Variants in JAKMIP3 observed in about 807,000 individuals in gnomAD.
JAKMIP3 encodes janus kinase and microtubule-interacting protein 3.
A neutral mutation model predicts 118.5 loss-of-function variants in JAKMIP3; 58 were observed. The observed-to-expected ratio is 0.49, with a 90% confidence interval of 0.40 to 0.61. The LOEUF (loss-of-function observed/expected upper bound fraction) is 0.61. JAKMIP3 is among the 20% of genes least tolerant of loss of function. The probability of loss-of-function intolerance (pLI) is 0.00; values close to 1 mark genes in which losing one functional copy is unlikely to be tolerated. For missense variants in JAKMIP3, 950 were observed against 1,109.0 expected (o/e 0.86, Z 2.04); for synonymous variants, 486 against 451.2 (o/e 1.08, Z -0.98).
chr10:132,104,588 G>T lies in JAKMIP3; in HGVS notation c.-137-84G>T, dbSNP rs1589820490. The T allele has an allele frequency of 1.2e-5, 7 of 571,870 alleles. No individual in the cohort carries two copies. In the East Asian group the frequency reaches 2.0e-4, roughly 17 times the overall value. 35.4% of individuals were successfully genotyped at this position (571,870 alleles called of 1,614,324 possible). ...CTGCAATGAGGTGGGGGGTCCACGT[G>T]CCCCTGCCCCGGCACACAAGCCCCT... On this transcript the variant is annotated intron_variant, in intron 1 of 23. Transcript: ENST00000684848.
chr10:132,149,988 G>A lies in JAKMIP3; in HGVS notation c.1954G>A (p.Val652Met). 6.7e-7 allele frequency: 1 copy of A among 1,496,178 alleles called. No homozygotes were observed. Among genetic ancestry groups the A allele is most frequent in the Non-Finnish European group, 8.9e-7 (1 of 1,119,008 alleles). 92.7% of individuals were successfully genotyped at this position (1,496,178 alleles called of 1,614,324 possible). A position where few individuals can be genotyped will look rare whatever the true frequency, so the allele number is the denominator to read the frequency against. Residue 652 changes from valine (V) to methionine (M), a missense_variant, in exon 16 of 24, where the codon GTG (valine) becomes ATG (methionine). Physicochemically the swap from Val to Met is conservative, Grantham distance 21. Transcript: ENST00000684848. ...CCTGTCCTCTGTGCCTTAGGACATT[G>A]TGGTTGCGGAGCTGATGAAGAAGCT... is the stretch of plus-strand genomic sequence containing the variant. ...YCEAEGVTDI[V>M]VAELMKKLDI...
At position 132,168,178 on chromosome 10, in the gene JAKMIP3, G is replaced by C. The variant is rs4880338; in HGVS notation, c.*248G>C. 7.8e-7 allele frequency: 1 copy of C among 1,286,298 alleles called. No homozygotes were observed. Among genetic ancestry groups the C allele is most frequent in the Non-Finnish European group, 1.0e-6 (1 of 987,114 alleles). The allele number at this position is 1,286,298 out of a possible 1,614,324, so 79.7% of individuals were successfully genotyped here. ...GACTTCTCGGGGGCTTCTCCGGGAC[G>C]GGCCTGGCCTTGGCTGCTGGACCCT... On this transcript the variant is annotated 3_prime_UTR_variant, in exon 23 of 24. Transcript: ENST00000684848.
At chr10:132,170,525 A>G (rs2059393212) in intron 23 of JAKMIP3, among the ~76,000 whole-genome samples, 1 of 152,120 alleles carries the variant, frequency 6.6e-6, no homozygotes, top group African/African-American at 2.4e-5. Context: ...CTGGGGAGCA[A>G]GGCCCCCCAC....
chr10:132,120,673 G>T (rs936695213), intron 3 of JAKMIP3, among the ~76,000 whole-genome samples: 6 of 152,362 alleles, frequency 3.9e-5, no homozygotes, highest in Admixed American at 3.9e-4. Flanking sequence ...GGAGCTTCTG[G>T]TGGCATCAGG....
At chr10:132,141,191 G>A (rs966177472) in intron 10 of JAKMIP3, among the ~76,000 whole-genome samples, 1 of 152,208 alleles carries the variant, frequency 6.6e-6, no homozygotes, top group African/African-American at 2.4e-5. Context: ...TGGGCCTCCC[G>A]TGGCAGACCC....
intron 11 of JAKMIP3, among the ~76,000 whole-genome samples, chr10:132,143,377 A>C (rs1356147767): frequency 6.6e-6 from 1 of 151,970 alleles, no homozygotes; most frequent in East Asian, 1.9e-4. Flanking sequence ...GGGGCGGGGC[A>C]ACAGCCGCAT....
intron 1 of JAKMIP3, among the ~76,000 whole-genome samples, chr10:132,038,872 C>T (rs1012824327): frequency 4.0e-5 from 6 of 150,886 alleles, no homozygotes; most frequent in African/African-American, 7.3e-5. Flanking sequence ...ACCTGTGTTA[C>T]GGGGTGTGGG....
upstream of JAKMIP3, among the ~76,000 whole-genome samples, chr10:132,063,832 A>C (rs574426349): frequency 7.2e-5 from 11 of 152,334 alleles, no homozygotes; most frequent in South Asian, 1.2e-3. Context: ...ATATCAAGTC[A>C]CCTGAGATCC....
chr10:132,062,861 A>G (rs1369842019), upstream of JAKMIP3, among the ~76,000 whole-genome samples: 1 of 152,204 alleles, frequency 6.6e-6, no homozygotes, highest in Non-Finnish European at 1.5e-5. Flanking sequence ...TGGAAGGCGC[A>G]GGCCTGTCTG....
intron 16 of JAKMIP3, among the ~76,000 whole-genome samples, chr10:132,152,194 C>T (rs538852577): frequency 3.3e-5 from 5 of 152,210 alleles, no homozygotes; most frequent in South Asian, 2.1e-4. Context: ...CTGACTCCCC[C>T]CTGTGGGAGA....
chr10:132,148,574 AGGCCTCCGCCGTC>A (rs1270232036), intron 14 of JAKMIP3, among the ~76,000 whole-genome samples: 2 of 152,112 alleles, frequency 1.3e-5, no homozygotes, highest in Non-Finnish European at 2.9e-5. Context: ...GGCTCTGTCC[AGGCCTCCGCCGTC>A]GGCAGACGTT....
In JAKMIP3 at chr10:132,065,994, G is replaced by A. The variant is rs144759664; in HGVS notation, c.-205G>A. On this transcript the variant is annotated 5_prime_UTR_variant, in exon 1 of 24. Coordinates refer to ENST00000684848, the MANE Select transcript of JAKMIP3 (RefSeq NM_001323087.2). This position sits in a 1 kb window ranked among gnomAD's most constrained non-coding sequence, Gnocchi z 5.6. ...GCAAAAGCCGGACTGAGTCTTGGACGAGCCGGGAAAGATTCTCACAGTCGA... is the reference window on the plus strand; with the variant it reads ...GCAAAAGCCGGACTGAGTCTTGGACAAGCCGGGAAAGATTCTCACAGTCGA... Among the ~76,000 whole-genome samples, 1 of 152,336 alleles carries A rather than the reference G, an allele frequency of 6.6e-6. No individual in the cohort carries two copies. Among genetic ancestry groups the A allele is most frequent in the African/African-American group, 2.4e-5 (1 of 41,584 alleles).
chr10:132,078,932 G>C (rs563393477), intron 1 of JAKMIP3, among the ~76,000 whole-genome samples: 25 of 152,346 alleles, frequency 1.6e-4, no homozygotes, highest in African/African-American at 5.8e-4. Flanking sequence ...TCACGAGCCG[G>C]TGTTGTCTGA....
intron 4 of JAKMIP3, among the ~76,000 whole-genome samples, chr10:132,134,601 C>A (rs1032501578): frequency 6.6e-6 from 1 of 152,154 alleles, no homozygotes; most frequent in Non-Finnish European, 1.5e-5. Context: ...AGAGAAATGC[C>A]GCCCCGTGGG....
intron 1 of JAKMIP3, among the ~76,000 whole-genome samples, chr10:132,085,472 A>T (rs2042268826): frequency 2.0e-5 from 3 of 148,388 alleles, no homozygotes; most frequent in South Asian, 4.2e-4. Flanking sequence ...TTCTTGGTTA[A>T]TCTTACTAAT....
At chr10:132,066,120 T>G (rs1157117242) in intron 1 of JAKMIP3, among the ~76,000 whole-genome samples, 59 bp downstream of exon 1, 1 of 152,206 alleles carries the variant, frequency 6.6e-6, no homozygotes, top group Non-Finnish European at 1.5e-5. Flanking sequence ...TGGCTGTCTC[T>G]GCACAGGCTC....
At chr10:132,066,263 C>T (rs1475070122) in intron 1 of JAKMIP3, among the ~76,000 whole-genome samples, 1 of 152,230 alleles carries the variant, frequency 6.6e-6, no homozygotes, top group Non-Finnish European at 1.5e-5. Context: ...TTTTCACGTT[C>T]ATGCTCATGC....
chr10:132,135,066 C>T lies in JAKMIP3; in HGVS notation c.875C>T (p.Ala292Val). 1 of 1,613,590 alleles carries T rather than the reference C, an allele frequency of 6.2e-7. No homozygotes were observed. The highest frequency in any genetic ancestry group is 2.2e-5 in the East Asian group (1 of 44,874). The change falls in exon 5 of 24, where the codon GCC becomes GTC. Residue 292 changes from alanine (A) to valine (V), a missense_variant. Physicochemically the swap from Ala to Val is moderately conservative, Grantham distance 64 (BLOSUM62 0). Coordinates refer to ENST00000684848, the MANE Select transcript of JAKMIP3 (RefSeq NM_001323087.2). The part of the protein sequence containing the change: ...SPEQQLDEKD[A>V]RRFQLKIAEL... ...GAACAGCAGTTGGATGAAAAAGATG[C>T]CCGGCGCTTCCAGCTTAAAATCGCG...
chr10:132,127,928 A>G (rs910249101), intron 3 of JAKMIP3, among the ~76,000 whole-genome samples: 3 of 152,314 alleles, frequency 2.0e-5, no homozygotes, highest in South Asian at 4.1e-4. Flanking sequence ...CACTTCTCCT[A>G]TGATTGTCAT....
Sources: gnomAD v4.1 joint callset for allele counts (sites outside exome capture counted in the v4.1 genomes callset) on GRCh38, gnomAD v4.1.1 for gene constraint, Gnocchi (gnomAD v3.1) non-coding constraint, MANE v1.5 for transcripts, NCBI Gene and HGNC (gene_info 2026-07-23, HGNC 2026-07-21) for gene names.